ABCB9: variants seen among roughly 807,000 people sequenced by gnomAD.
ABCB9 encodes ABC-type oligopeptide transporter ABCB9.
In ABCB9, 36 loss-of-function variants were observed where a neutral mutation model predicts 62.0. That is an observed-to-expected ratio of 0.58 (90% confidence interval 0.45 to 0.77). The LOEUF (loss-of-function observed/expected upper bound fraction) is 0.77, where lower values mean the gene tolerates loss of function less well. ABCB9 is among the 30% of genes least tolerant of loss of function. ABCB9 has a pLI of 0.00. For synonymous variants in ABCB9, 435 were observed against 461.4 expected, an observed-to-expected ratio of 0.94 and a Z score of 0.73; for missense variants, 943 against 1,054.7, an observed-to-expected ratio of 0.89 and a Z score of 1.47.
At chr12:122,968,386 A>G (rs2037232883), upstream of ABCB9, among the ~76,000 whole-genome samples, 2 of 152,220 alleles carry the variant, frequency 1.3e-5, no homozygotes, top group South Asian at 4.1e-4. Flanking sequence ...AAAATGTGAC[A>G]AGGCCAGTGA....
rs941286030 is a variant in ABCB9 at position 122,929,807 on chromosome 12, G to A, written c.*104C>T. The A allele has an allele frequency of 7.0e-7, 1 of 1,434,124 alleles. No homozygotes were observed. The allele number at this position is 1,434,124 out of a possible 1,614,324, so 88.8% of individuals were successfully genotyped here. ...ATGGGACATGGCAGGTCGTCTTTCA[G>A]TGCTGCAGGCCTGGGCTCGGAGGGC... On this transcript the variant is annotated 3_prime_UTR_variant, in exon 12 of 12. Coordinates refer to ENST00000280560, the MANE Select transcript of ABCB9 (RefSeq NM_019625.4). This position sits in a 1 kb window ranked among gnomAD's most constrained non-coding sequence, Gnocchi z 6.0.
rs746595367 is a variant in ABCB9 at position 122,948,782 on chromosome 12, G to A, written c.895C>T (p.Leu299=). The A allele has an allele frequency of 1.4e-5, 23 of 1,606,918 alleles. No homozygotes were observed. The highest frequency in any genetic ancestry group is 2.0e-5 in the Non-Finnish European group (23 of 1,176,274). The change falls in exon 5 of 12, where the codon CTG becomes TTG. Residue 299 remains leucine (L), a synonymous_variant. Coordinates refer to ENST00000280560, the MANE Select transcript of ABCB9 (RefSeq NM_019625.4). ...LTSDTTMVSD[L]VSQNINVFLR... is the part of the protein sequence containing the mutation. Reference sequence around the variant, plus strand: ...AAGACATTGATGTTCTGGGAGACCAGGTCGCTGACCATGGTGGTGTCCGAG... The same window carrying A: ...AAGACATTGATGTTCTGGGAGACCAAGTCGCTGACCATGGTGGTGTCCGAG...
At chr12:122,924,618 A>C (rs2034838681), downstream of ABCB9, 13 of 1,439,080 alleles carry the variant, frequency 9.0e-6, no homozygotes, top group Non-Finnish European at 1.2e-5. Flanking sequence ...TGATGAAGAC[A>C]AACTCTAATG....
chr12:122,940,089 T>C lies in ABCB9; in HGVS notation c.1743+22A>G, dbSNP rs781015448. The C allele has an allele frequency of 4.4e-6, 7 of 1,598,328 alleles. No individual in the cohort carries two copies. The African/African-American group carries it at 9.4e-5, about 21-fold the overall frequency. On this transcript the variant is annotated intron_variant, in intron 9 of 11. Coordinates refer to ENST00000280560, the MANE Select transcript of ABCB9 (RefSeq NM_019625.4). This position sits in a 1 kb window ranked among gnomAD's most constrained non-coding sequence, Gnocchi z 4.8. ...TAGATGCAGAAAGGGCGGAGAAGTGTGGCCCAGGCCCGTGCACATACCACA... is the reference window on the plus strand; with the variant it reads ...TAGATGCAGAAAGGGCGGAGAAGTGCGGCCCAGGCCCGTGCACATACCACA...
chr12:122,937,317 C>T (rs1355063447), intron 9 of ABCB9, among the ~76,000 whole-genome samples: 1 of 151,382 alleles, frequency 6.6e-6, no homozygotes, highest in African/African-American at 2.4e-5. Flanking sequence ...CGAGATCATG[C>T]CACAGCACTC....
Position 122,947,309 on chromosome 12 carries a change from G to C in ABCB9, c.1054-1087C>G, listed in dbSNP as rs1297477962. Among the ~76,000 whole-genome samples, 1 of 152,184 alleles carries C rather than the reference G, an allele frequency of 6.6e-6. No homozygotes were observed. Among genetic ancestry groups the C allele is most frequent in the African/African-American group, 2.4e-5 (1 of 41,440 alleles). ...ACTTTCTCATCTCAGTGAGGACGGT[G>C]GGGAGGCTCGTGACCAGGAACTTCG... On this transcript the variant is annotated intron_variant, in intron 5 of 11. Coordinates refer to ENST00000280560, the MANE Select transcript of ABCB9 (RefSeq NM_019625.4). This position sits in a 1 kb window ranked among gnomAD's most constrained non-coding sequence, Gnocchi z 6.0.
In ABCB9 at chr12:122,959,760, G is replaced by C; in HGVS notation, c.476C>G (p.Pro159Arg). 6.2e-7 allele frequency: 1 copy of C among 1,611,982 alleles called. No individual in the cohort carries two copies. Among genetic ancestry groups the C allele is most frequent in the Non-Finnish European group, 8.5e-7 (1 of 1,179,258 alleles). ...PGAATEAEGF[P>R]GSGRPPPEQA... is the part of the protein sequence containing the mutation. ...CTCGGGCGGTGGCCGGCCGCTCCCAGGGAAGCCCTCAGCCTCGGTGGCCGC... is the reference window on the plus strand; with the variant it reads ...CTCGGGCGGTGGCCGGCCGCTCCCACGGAAGCCCTCAGCCTCGGTGGCCGC... The change falls in exon 2 of 12, where the codon CCT becomes CGT. Residue 159 changes from proline (P) to arginine (R), a missense_variant. Pro to Arg is a moderately radical substitution (Grantham distance 103). Transcript: ENST00000280560. This position sits in a 1 kb window ranked among gnomAD's most constrained non-coding sequence, Gnocchi z 5.4.
chr12:122,935,562 T>C, intron 9 of ABCB9, 131 bp from the exon 10 acceptor site: 1 of 1,026,758 alleles, frequency 9.7e-7, no homozygotes, highest in East Asian at 2.8e-5. Flanking sequence ...GCCCAGTGAC[T>C]GCACTGAGCT....
chr12:122,941,893 A>C (rs2035780198), intron 7 of ABCB9, among the ~76,000 whole-genome samples: 1 of 150,918 alleles, frequency 6.6e-6, no homozygotes, highest in South Asian at 2.1e-4. Context: ...AAGCCCAGTT[A>C]ATTTTTTGTA....
intron 5 of ABCB9, among the ~76,000 whole-genome samples, chr12:122,946,873 CA>C (rs2036070512): frequency 6.6e-6 from 1 of 152,218 alleles, no homozygotes; most frequent in East Asian, 1.9e-4. Context: ...TGGAGCTGTT[CA>C]CACTTTGCAG....
At chr12:122,934,109 G>T (rs142514180) in intron 10 of ABCB9, among the ~76,000 whole-genome samples, 1,848 of 152,146 alleles carry the variant, frequency 0.012, 22 homozygotes, top group Non-Finnish European at 0.021. Context: ...TTAGCAAGGT[G>T]TGGTGGTGGG....
intron 11 of ABCB9, among the ~76,000 whole-genome samples, chr12:122,922,905 CATCCCAGCCTTCGGAGTAGCTGAGACT>C (rs1282188805): frequency 1.3e-5 from 2 of 151,694 alleles, no homozygotes; most frequent in Non-Finnish European, 2.9e-5. Flanking sequence ...GCGATTTTCC[CATCCCAGCCTTCGGAGTAGCTGAGACT>C]ATAGGCACAC....
chr12:122,935,666 C>G (rs2035423687), intron 9 of ABCB9, among the ~76,000 whole-genome samples: 1 of 152,186 alleles, frequency 6.6e-6, no homozygotes, highest in Non-Finnish European at 1.5e-5. Flanking sequence ...ATTTGCTGCT[C>G]TGGGATAAGC....
chr12:122,966,656 G>C (rs1375972851), upstream of ABCB9: 2 of 152,374 alleles, frequency 1.3e-5, no homozygotes, highest in African/African-American at 4.8e-5. Context: ...GGCCTCCTGG[G>C]GGCGGGGCCA....
In ABCB9 at chr12:122,935,391, G is replaced by A. The variant is rs1251371610; in HGVS notation, c.1784C>T (p.Ser595Phe). The A allele has an allele frequency of 1.2e-6, 2 of 1,614,068 alleles. No homozygotes were observed. Among genetic ancestry groups the A allele is most frequent in the Admixed American group, 1.7e-5 (1 of 60,000 alleles). Residue 595 changes from serine to phenylalanine, a missense_variant, in exon 10 of 12, where the codon TCC (serine) becomes TTC (phenylalanine). Physicochemically the swap from Ser to Phe is radical, Grantham distance 155. Transcript: ENST00000280560. ...GCCGTAGGAGATGTTATCCGTGATGGAGCGGGCGAACAGCACGGGCTCCTG... is the reference window on the plus strand; with the variant it reads ...GCCGTAGGAGATGTTATCCGTGATGAAGCGGGCGAACAGCACGGGCTCCTG... Reference protein sequence around the residue: ...VSQEPVLFARSITDNISYGLP... With the variant: ...VSQEPVLFARFITDNISYGLP...
chr12:122,942,069 C>T (rs2035790128), intron 7 of ABCB9, among the ~76,000 whole-genome samples: 1 of 152,034 alleles, frequency 6.6e-6, no homozygotes, highest in South Asian at 2.1e-4. Context: ...CTAACATTAT[C>T]TCCTTTTTTA....
At chr12:122,935,154 G>T in intron 10 of ABCB9, 118 bp downstream of exon 10, 1 of 1,249,070 alleles carries the variant, frequency 8.0e-7, no homozygotes, top group Non-Finnish European at 1.1e-6. Flanking sequence ...GTAACGTAGC[G>T]GGACCCCATC....
downstream of ABCB9, among the ~76,000 whole-genome samples, chr12:122,920,241 GA>G (rs1442929557): frequency 3.9e-5 from 6 of 151,992 alleles, no homozygotes; most frequent in African/African-American, 1.4e-4. Flanking sequence ...AACCAGGAAA[GA>G]GAAACCATTG....
downstream of ABCB9, among the ~76,000 whole-genome samples, chr12:122,925,734 C>T (rs991449476): frequency 1.3e-5 from 2 of 152,060 alleles, no homozygotes; most frequent in Admixed American, 6.6e-5. Context: ...GGCGACAGAG[C>T]GAGACTCCGT....
Sources: gnomAD v4.1 joint callset for allele counts (sites outside exome capture counted in the v4.1 genomes callset) on GRCh38, gnomAD v4.1.1 for gene constraint, Gnocchi (gnomAD v3.1) non-coding constraint, MANE v1.5 for transcripts, NCBI Gene and HGNC (gene_info 2026-07-23, HGNC 2026-07-21) for gene names.